Variants in FAM209A observed in about 807,000 individuals in gnomAD.
FAM209A encodes family with sequence similarity 209 member A.
Under a neutral mutation model 9.8 loss-of-function variants are expected in FAM209A, and 4 were observed. The ratio of observed to expected loss-of-function variants is 0.41; its 90% CI spans 0.20 to 0.94. The LOEUF is 0.94. Among genes scored for constraint, FAM209A ranks in the 40% least tolerant of loss-of-function variants. The pLI is 0.32. For synonymous variants in FAM209A, 55 were observed against 77.8 expected (o/e 0.71, Z 1.54); for missense variants, 205 against 209.4 (o/e 0.98, Z 0.13).
intron 1 of FAM209A, 127 bp from the exon 2 acceptor site, chr20:56,525,677 C>G: frequency 2.1e-6 from 2 of 956,944 alleles, no homozygotes; most frequent in Non-Finnish European, 3.2e-6. Flanking sequence ...AGGGAGGGTG[C>G]GAATATCTTC....
At chr20:56,527,625 A>G (rs909652663), downstream of FAM209A, among the ~76,000 whole-genome samples, 1 of 152,332 alleles carries the variant, frequency 6.6e-6, no homozygotes. Flanking sequence ...CCAGGGCGCA[A>G]GGAAGACCAA....
chr20:56,524,872 T>C lies in FAM209A; in HGVS notation c.64T>C (p.Phe22Leu), dbSNP rs1361882983. The change falls in exon 1 of 2, where the codon TTC (phenylalanine) becomes CTC (leucine). Residue 22 changes from phenylalanine to leucine, a missense_variant. Physicochemically the swap from Phe to Leu is conservative, Grantham distance 22. Transcript: ENST00000371328. ...LCLTCSYAFMFSSLRQKTSEP... is the reference protein window; with the variant it reads ...LCLTCSYAFMLSSLRQKTSEP... ...CCTCACCTGCAGCTATGCCTTTATG[T>C]TCTCTTCTCTGAGACAGAAAACTAG... The C allele has an allele frequency of 1.2e-6, 2 of 1,614,186 alleles. No homozygotes were observed. The highest frequency in any genetic ancestry group is 1.7e-5 in the Admixed American group (1 of 60,018).
chr20:56,533,017 CA>C, the FAM209A span: 1 of 345,218 alleles, frequency 2.9e-6, no homozygotes, highest in Non-Finnish European at 4.1e-6. Flanking sequence ...TTGGATCAAA[CA>C]AATGAAAAAC....
Position 56,525,817 on chromosome 20 carries a change from C to A in FAM209A, c.263C>A (p.Pro88His). Reference sequence around the variant, plus strand: ...CTTTCCTGACAGGAGCAGAGTCCTCCTGGCCTTCGAGGCGGCCAACTTCAC... The same window carrying A: ...CTTTCCTGACAGGAGCAGAGTCCTCATGGCCTTCGAGGCGGCCAACTTCAC... ...DSEKNKEQSP[P>H]GLRGGQLHSP... Residue 88 changes from proline (P) to histidine (H), a missense_variant, in exon 2 of 2, where the codon CCT becomes CAT. Coordinates refer to ENST00000371328, the MANE Select transcript of FAM209A (RefSeq NM_001012971.4). 1 of 1,614,064 alleles carries A rather than the reference C, an allele frequency of 6.2e-7. No homozygotes were observed.
chr20:56,530,695 G>A (rs1985714280), downstream of FAM209A, among the ~76,000 whole-genome samples: 1 of 146,054 alleles, frequency 6.8e-6, no homozygotes, highest in Admixed American at 6.9e-5. Flanking sequence ...TTTTAGTGGC[G>A]ACAGTGTTTC....
downstream of FAM209A, among the ~76,000 whole-genome samples, chr20:56,528,515 C>T (rs970233256): frequency 1.8e-4 from 27 of 151,528 alleles, no homozygotes; most frequent in Non-Finnish European, 2.9e-4. Context: ...GTGGGAGGAT[C>T]CCCTGAGCCC....
chr20:56,533,029 A>T, the FAM209A span: 1 of 410,324 alleles, frequency 2.4e-6, no homozygotes, highest in Non-Finnish European at 3.3e-6. Context: ...AATGAAAAAC[A>T]GAAACATGAC....
downstream of FAM209A, among the ~76,000 whole-genome samples, chr20:56,528,557 C>CA (rs1186110130): frequency 1.3e-5 from 2 of 151,448 alleles, no homozygotes; most frequent in Non-Finnish European, 2.9e-5. Context: ...GCTATGATTG[C>CA]ACCACTGCAT....
At chr20:56,532,480 C>CTTTTTTTTTTTTTTT in the FAM209A span, among the ~76,000 whole-genome samples, 4 of 108,254 alleles carry the variant, frequency 3.7e-5, no homozygotes, top group African/African-American at 1.1e-4. Context: ...TTTTCTTTTT[C>CTTTTTTTTTTTTTTT]TTTTTTTTTT....
chr20:56,525,067 G>A lies in FAM209A; in HGVS notation c.249+10G>A, dbSNP rs1330927486. 6.2e-7 allele frequency: 1 copy of A among 1,612,162 alleles called. No individual in the cohort carries two copies. Among genetic ancestry groups the A allele is most frequent in the Admixed American group, 1.7e-5 (1 of 59,684 alleles). On this transcript the variant is annotated intron_variant, in intron 1 of 1. Coordinates refer to ENST00000371328, the MANE Select transcript of FAM209A (RefSeq NM_001012971.4). Reference sequence around the variant, plus strand: ...CAGTGAGAAGAATAAGGTAAGGATGGCTCCATTTTTTTTACACCATATTGA... The same window carrying A: ...CAGTGAGAAGAATAAGGTAAGGATGACTCCATTTTTTTTACACCATATTGA...
rs1985522361 is a variant in FAM209A, at chr20:56,526,115, C to A, written c.*45C>A. On this transcript the variant is annotated 3_prime_UTR_variant, in exon 2 of 2. Transcript: ENST00000371328. ...GAGAAAAAAGTTGAGTGTTGACAAA[C>A]TGTATGCAAACTAATAAAACTATTC... The A allele has an allele frequency of 6.5e-7, 1 of 1,529,630 alleles. No individual in the cohort carries two copies. The highest frequency in any genetic ancestry group is 8.8e-7 in the Non-Finnish European group (1 of 1,142,170). 94.8% of individuals were successfully genotyped at this position (1,529,630 alleles called of 1,614,324 possible).
Position 56,526,091 on chromosome 20 carries a change from A to G in FAM209A, c.*21A>G, listed in dbSNP as rs775679603. ...GCTGAATGGATTTGTGTGTCAGGAG[A>G]GAAAAAAGTTGAGTGTTGACAAACT... On this transcript the variant is annotated 3_prime_UTR_variant, in exon 2 of 2. Coordinates refer to ENST00000371328, the MANE Select transcript of FAM209A (RefSeq NM_001012971.4). 1 of 1,552,940 alleles carries G rather than the reference A, an allele frequency of 6.4e-7. No homozygotes were observed. Among genetic ancestry groups the G allele is most frequent in the South Asian group, 1.2e-5 (1 of 80,968 alleles).
the FAM209A span, among the ~76,000 whole-genome samples, chr20:56,532,641 A>G: frequency 6.6e-6 from 1 of 151,538 alleles, no homozygotes. Context: ...GTGCCACCAC[A>G]TCCAGCTAAT....
In FAM209A at chr20:56,525,036, A is replaced by G; in HGVS notation, c.228A>G (p.Gln76=). The G allele has an allele frequency of 1.2e-6, 2 of 1,614,144 alleles. No homozygotes were observed. Among genetic ancestry groups the G allele is most frequent in the Non-Finnish European group, 8.5e-7 (1 of 1,179,974 alleles). The change falls in exon 1 of 2, where the codon CAA becomes CAG. Residue 76 remains glutamine, a synonymous_variant. Transcript: ENST00000371328. ...TGCCGTTTGTGATACTGCAGTGTCA[A>G]AGAGACAGTGAGAAGAATAAGGTAA... ...VVVPFVILQC[Q]RDSEKNKEQS...
chr20:56,528,872 T>C (rs1006022211), downstream of FAM209A, among the ~76,000 whole-genome samples: 1 of 152,208 alleles, frequency 6.6e-6, no homozygotes, highest in African/African-American at 2.4e-5. Flanking sequence ...ATCACATTTC[T>C]TCATGATTGT....
chr20:56,531,302 T>G, the FAM209A span, among the ~76,000 whole-genome samples: 1 of 150,268 alleles, frequency 6.7e-6, no homozygotes, highest in South Asian at 2.1e-4. Context: ...TTTCTTTGTT[T>G]TTTTTTTTTT....
downstream of FAM209A, among the ~76,000 whole-genome samples, chr20:56,527,169 C>T (rs1246834174): frequency 1.3e-5 from 2 of 151,192 alleles, no homozygotes; most frequent in Non-Finnish European, 1.5e-5. Context: ...GTTCCTTCGC[C>T]GATGATTGAT....
downstream of FAM209A, among the ~76,000 whole-genome samples, chr20:56,526,884 T>C (rs998116604): frequency 5.9e-5 from 9 of 152,184 alleles, no homozygotes; most frequent in Non-Finnish European, 1.3e-4. Flanking sequence ...CTGGGCTACA[T>C]AGTGAGACCC....
downstream of FAM209A, among the ~76,000 whole-genome samples, chr20:56,529,123 G>A (rs1478141773): frequency 6.6e-6 from 1 of 151,704 alleles, no homozygotes; most frequent in African/African-American, 2.4e-5. Flanking sequence ...CAGGAGAATC[G>A]CTTGAACCCA....
Sources: allele counts gnomAD v4.1 joint callset (sites outside exome capture counted in the v4.1 genomes callset), GRCh38; gene constraint gnomAD v4.1.1; transcripts MANE v1.5; gene names NCBI Gene and HGNC (gene_info 2026-07-23, HGNC 2026-07-21).